DLG2: variants seen among roughly 807,000 people sequenced by gnomAD.
DLG2 encodes discs large MAGUK scaffold protein 2.
In DLG2, 45 loss-of-function variants were observed where a neutral mutation model predicts 132.5. The ratio of observed to expected loss-of-function variants is 0.34; its 90% CI spans 0.27 to 0.44. The LOEUF (loss-of-function observed/expected upper bound fraction) is 0.44. Ranked by LOEUF, DLG2 falls within the 20% of genes least tolerant of loss-of-function variation. The pLI is 1.00. For synonymous variants in DLG2, 424 were observed against 419.6 expected, an observed-to-expected ratio of 1.01 and a Z score of -0.13; for missense variants, 1,045 against 1,196.9, an observed-to-expected ratio of 0.87 and a Z score of 1.87.
intron 6 of DLG2, among the ~76,000 whole-genome samples, chr11:84,816,512 C>G (rs141553345): frequency 1.3e-5 from 2 of 151,834 alleles, no homozygotes; most frequent in Admixed American, 6.6e-5. Context: ...TTTTTTGATT[C>G]ATAGAATGGT....
At chr11:83,724,984 T>A (rs556700576) in intron 18 of DLG2, 5 of 697,024 alleles carry the variant, frequency 7.2e-6, no homozygotes, top group Admixed American at 6.0e-5. Context: ...ACACACCTCC[T>A]GACGCTCTTG....
At chr11:84,173,701 T>A (rs917761922) in intron 8 of DLG2, among the ~76,000 whole-genome samples, 1 of 152,192 alleles carries the variant, frequency 6.6e-6, no homozygotes, top group African/African-American at 2.4e-5. Flanking sequence ...GCAGCTTTTG[T>A]TTGTGTTCCA....
At chr11:85,088,847 T>C (rs1001918920) in intron 6 of DLG2, among the ~76,000 whole-genome samples, 1 of 152,108 alleles carries the variant, frequency 6.6e-6, no homozygotes, top group Non-Finnish European at 1.5e-5. Context: ...AAACACTACC[T>C]CTAATAATAA....
chr11:84,311,270 G>T (rs183722971), intron 7 of DLG2, among the ~76,000 whole-genome samples: 24 of 152,164 alleles, frequency 1.6e-4, no homozygotes, highest in Non-Finnish European at 3.2e-4. Flanking sequence ...TGGACAGTAA[G>T]TTCTTCAGGA....
intron 6 of DLG2, among the ~76,000 whole-genome samples, chr11:84,562,288 TC>T (rs1056588309): frequency 6.6e-6 from 1 of 152,174 alleles, no homozygotes; most frequent in Non-Finnish European, 1.5e-5. Flanking sequence ...ACTGCCTATG[TC>T]TCTACCCAAT....
chr11:84,272,788 C>G (rs1192655832), intron 7 of DLG2, among the ~76,000 whole-genome samples: 1 of 152,136 alleles, frequency 6.6e-6, no homozygotes, highest in African/African-American at 2.4e-5. Flanking sequence ...AAAAGATATT[C>G]AAGTAGCTCT....
intron 6 of DLG2, among the ~76,000 whole-genome samples, chr11:84,778,402 GTTC>G (rs923705989): frequency 2.0e-5 from 3 of 151,990 alleles, no homozygotes; most frequent in Admixed American, 2.0e-4. Context: ...TCTCAGTTTT[GTTC>G]TTCTTGCTTA....
At chr11:84,643,453 T>C (rs2099670681) in intron 6 of DLG2, among the ~76,000 whole-genome samples, 1 of 152,200 alleles carries the variant, frequency 6.6e-6, no homozygotes, top group East Asian at 1.9e-4. Context: ...CCCAGTTTCC[T>C]CACCTGCAAT....
At chr11:83,683,491 C>T (rs1396571057) in intron 18 of DLG2, among the ~76,000 whole-genome samples, 1 of 152,122 alleles carries the variant, frequency 6.6e-6, no homozygotes, top group African/African-American at 2.4e-5. Flanking sequence ...ACAATGAGAG[C>T]AGACTGATTT....
At chr11:84,075,354 G>T (rs894469746) in intron 10 of DLG2, among the ~76,000 whole-genome samples, 2 of 152,066 alleles carry the variant, frequency 1.3e-5, no homozygotes, top group Non-Finnish European at 2.9e-5. Context: ...TAGGAGCCTT[G>T]TCTGTCTGGT....
In DLG2 at chr11:83,465,796, T is replaced by C. The variant is rs2090916845; in HGVS notation, c.2729+912A>G. ...TATGCCTCGTTTCGAGGTGAGGAGCTAAATCTTAGAAAGGTCAAGCAATTT... is the reference window on the plus strand; with the variant it reads ...TATGCCTCGTTTCGAGGTGAGGAGCCAAATCTTAGAAAGGTCAAGCAATTT... On this transcript the variant is annotated intron_variant, in intron 26 of 27. Transcript: ENST00000376104. 2.0e-5 allele frequency among the ~76,000 whole-genome samples: 3 copies of C among 152,202 alleles called. No homozygotes were observed. The South Asian group carries it at 6.2e-4, about 32-fold the overall frequency.
chr11:85,306,480 G>A (rs77217207), intron 3 of DLG2, among the ~76,000 whole-genome samples: 2,311 of 152,328 alleles, frequency 0.015, 28 homozygotes, highest in Non-Finnish European at 0.023. Flanking sequence ...AACCTGTCCA[G>A]ATTTACTTGC....
chr11:85,511,574 C>G (rs2094070920), intron 3 of DLG2, among the ~76,000 whole-genome samples: 1 of 151,902 alleles, frequency 6.6e-6, no homozygotes, highest in Admixed American at 6.6e-5. Flanking sequence ...CAAGCAGAAC[C>G]TAAATGATAT....
At chr11:83,614,488 G>A (rs772770001) in intron 19 of DLG2, among the ~76,000 whole-genome samples, 1 of 152,198 alleles carries the variant, frequency 6.6e-6, no homozygotes, top group East Asian at 1.9e-4. Context: ...GGAGGCGGAG[G>A]TGGGTGGATT....
chr11:83,992,009 G>A (rs183593184), intron 11 of DLG2, among the ~76,000 whole-genome samples: 43 of 152,192 alleles, frequency 2.8e-4, no homozygotes, highest in Non-Finnish European at 4.9e-4. Flanking sequence ...TGTGGTAAGT[G>A]ACACAGCGAT....
intron 6 of DLG2, among the ~76,000 whole-genome samples, chr11:84,812,832 G>C (rs1421386004): frequency 6.6e-6 from 1 of 152,114 alleles, no homozygotes; most frequent in Non-Finnish European, 1.5e-5. Flanking sequence ...AGAAGACTGA[G>C]CAGTGGTATC....
intron 3 of DLG2, among the ~76,000 whole-genome samples, chr11:85,550,191 A>T (rs180843881): frequency 7.5e-4 from 114 of 152,344 alleles, no homozygotes; most frequent in Admixed American, 5.9e-3. Context: ...CACAAGTATG[A>T]TACAAAAGGA....
At chr11:85,106,444 A>G (rs2071770074) in intron 6 of DLG2, among the ~76,000 whole-genome samples, 1 of 151,680 alleles carries the variant, frequency 6.6e-6, no homozygotes, top group South Asian at 2.1e-4. Context: ...TTGTATATTA[A>G]CTCCTAGAAC....
chr11:84,534,703 G>A lies in DLG2; in HGVS notation c.386C>T (p.Pro129Leu). Residue 129 changes from proline to leucine, a missense_variant, in exon 7 of 28, where the codon CCA becomes CTA. Pro to Leu is a moderately conservative substitution (Grantham distance 98, BLOSUM62 -3). Around this residue, in one of 4 missense-constraint regions of DLG2, gnomAD observed 277 missense variants for 238.2 expected, o/e 1.16. Transcript: ENST00000376104. ...TKYRYQDEDA[P>L]HDHSLPRLTH... is the part of the protein sequence containing the mutation. Reference sequence around the variant, plus strand: ...TAGTCGAGGTAAGGAATGATCATGTGGAGCGTCCTCATCTTGATATCGATA... The same window carrying A: ...TAGTCGAGGTAAGGAATGATCATGTAGAGCGTCCTCATCTTGATATCGATA... The A allele has an allele frequency of 1.2e-6, 2 of 1,613,988 alleles. No homozygotes were observed. Among genetic ancestry groups the A allele is most frequent in the African/African-American group, 1.3e-5 (1 of 75,014 alleles).
Sources: gnomAD v4.1 joint callset for allele counts (sites outside exome capture counted in the v4.1 genomes callset) on GRCh38, gnomAD v4.1.1 for gene constraint, gnomAD v4.1.1 regional missense constraint, MANE v1.5 for transcripts, NCBI Gene and HGNC (gene_info 2026-07-23, HGNC 2026-07-21) for gene names.